PYGM: variants seen among roughly 807,000 people sequenced by gnomAD.
The protein encoded by PYGM is glycogen phosphorylase, muscle associated.
Under a neutral mutation model 99.3 loss-of-function variants are expected in PYGM, and 81 were observed. The ratio of observed to expected loss-of-function variants is 0.82; its 90% CI spans 0.68 to 0.98. The LOEUF (loss-of-function observed/expected upper bound fraction) is 0.98, where lower values mean the gene tolerates loss of function less well. Among genes scored for constraint, PYGM ranks in the 50% least tolerant of loss-of-function variants. PYGM has a pLI of 0.00. For synonymous variants in PYGM, 436 were observed against 451.5 expected (o/e 0.97, Z 0.44); for missense variants, 1,030 against 1,158.1 (o/e 0.89, Z 1.61).
chr11:64,750,036 C>T (rs965600746), intron 17 of PYGM, among the ~76,000 whole-genome samples: 2 of 152,156 alleles, frequency 1.3e-5, no homozygotes, highest in African/African-American at 2.4e-5. Context: ...TTGTGATCCG[C>T]CCGCCTTGGC....
At chr11:64,753,221 AC>A (rs767444089) in intron 11 of PYGM, 34 bp from the exon 12 acceptor site, 2 of 1,552,002 alleles carry the variant, frequency 1.3e-6, no homozygotes, top group East Asian at 2.2e-5. Context: ...GTCACCACTC[AC>A]CCCTGTACAA....
At chr11:64,756,945 A>G (rs1288806661) in intron 5 of PYGM, among the ~76,000 whole-genome samples, 1 of 152,008 alleles carries the variant, frequency 6.6e-6, no homozygotes, top group African/African-American at 2.4e-5. Flanking sequence ...GACTACAGGC[A>G]TGCACCAGCA....
intron 1 of PYGM, among the ~76,000 whole-genome samples, chr11:64,759,235 G>A (rs187731605): frequency 7.7e-5 from 11 of 142,266 alleles, no homozygotes; most frequent in African/African-American, 2.8e-4. Flanking sequence ...ACTCCCCACC[G>A]AGGCGTGTCA....
At chr11:64,757,747 T>C (rs1170384691) in intron 5 of PYGM, 32 bp downstream of exon 5, 1 of 1,613,836 alleles carries the variant, frequency 6.2e-7, no homozygotes, top group African/African-American at 1.3e-5. Context: ...TCCCCTTCTC[T>C]GGGCTCCCCT....
chr11:64,751,558 C>G, intron 15 of PYGM, 39 bp downstream of exon 15: 1 of 1,614,068 alleles, frequency 6.2e-7, no homozygotes, highest in Non-Finnish European at 8.5e-7. Context: ...CTGGATATAT[C>G]AAAGGACGGG....
At position 64,755,295 on chromosome 11, in the gene PYGM, CGAGA is replaced by C; in HGVS notation, c.829_832del (p.Ser277ValfsTer17). 6.2e-7 allele frequency: 1 copy of C among 1,614,070 alleles called. No individual in the cohort carries two copies. ...CACATTATCATTGGGGTACAGGACA[CGAGA>C]GATGTTCTCCGCCAGGTTTCGGTCC... is the stretch of plus-strand genomic sequence containing the variant. On this transcript the variant is annotated frameshift_variant, in exon 7 of 20. Transcript: ENST00000164139. LOFTEE classifies it high-confidence loss of function. This position sits in a 1 kb window ranked among gnomAD's most constrained non-coding sequence, Gnocchi z 4.1.
chr11:64,759,929 A>G lies in PYGM; in HGVS notation c.-31T>C. ...CAGGAGGGCGGGCCGGACTGGACTGATGGTAGAGGGGACGGCGGCCTCAGC... is the reference window on the plus strand; with the variant it reads ...CAGGAGGGCGGGCCGGACTGGACTGGTGGTAGAGGGGACGGCGGCCTCAGC... On this transcript the variant is annotated 5_prime_UTR_variant, in exon 1 of 20. Coordinates refer to ENST00000164139, the MANE Select transcript of PYGM (RefSeq NM_005609.4). The G allele has an allele frequency of 6.2e-7, 1 of 1,611,634 alleles. No individual in the cohort carries two copies. The highest frequency in any genetic ancestry group is 1.3e-5 in the African/African-American group (1 of 75,000).
chr11:64,746,726 T>C lies in PYGM; in HGVS notation c.2462A>G (p.Tyr821Cys), dbSNP rs757950557. The C allele has an allele frequency of 6.2e-6, 10 of 1,614,154 alleles. No homozygotes were observed. Among genetic ancestry groups the C allele is most frequent in the Non-Finnish European group, 8.5e-6 (10 of 1,180,034 alleles). ...CTCCACACCCCAGATCTCCCGGGCA[T>C]ACTGGGCAATGGTGCGGTCACTGGA... Reference protein sequence around the residue: ...KFSSDRTIAQYAREIWGVEPS... With the variant: ...KFSSDRTIAQCAREIWGVEPS... The change falls in exon 20 of 20, where the codon TAT becomes TGT. Residue 821 changes from tyrosine (Y) to cysteine (C), a missense_variant. Tyr to Cys is a radical substitution (Grantham distance 194). Coordinates refer to ENST00000164139, the MANE Select transcript of PYGM (RefSeq NM_005609.4).
intron 17 of PYGM, chr11:64,747,934 G>C (rs1194261040): frequency 5.9e-6 from 1 of 169,418 alleles, no homozygotes; most frequent in South Asian, 1.4e-4. Flanking sequence ...CCAGCTCCTC[G>C]GGAGGCTGAG....
At chr11:64,753,836 TC>T (rs778181227) in intron 10 of PYGM, 42 bp downstream of exon 10, 15 of 1,545,234 alleles carry the variant, frequency 9.7e-6, no homozygotes, top group African/African-American at 4.2e-5. Context: ...AGACTGGGTG[TC>T]CCCCCTCACC....
chr11:64,751,308 C>G lies in PYGM; in HGVS notation c.1969+17G>C. ...ACTAGTCAGAGCCTCCCTAGGGTCCCTGTTGGCAGCACCCACCTTTCTCGG... is the reference window on the plus strand; with the variant it reads ...ACTAGTCAGAGCCTCCCTAGGGTCCGTGTTGGCAGCACCCACCTTTCTCGG... On this transcript the variant is annotated intron_variant, in intron 16 of 19. Transcript: ENST00000164139. 1 of 1,614,140 alleles carries G rather than the reference C, an allele frequency of 6.2e-7. No homozygotes were observed. The highest frequency in any genetic ancestry group is 1.7e-5 in the Admixed American group (1 of 60,034).
rs554017973 is a variant in PYGM, at chr11:64,759,224, C to A, written c.243+432G>T. On this transcript the variant is annotated intron_variant, in intron 1 of 19. Transcript: ENST00000164139. ...CTGGGCCGTCTGCCCGCCCCTCCCCCACTCCCCACCGAGGCGTGTCAGGTT... is the reference window on the plus strand; with the variant it reads ...CTGGGCCGTCTGCCCGCCCCTCCCCAACTCCCCACCGAGGCGTGTCAGGTT... Among the ~76,000 whole-genome samples the A allele has an allele frequency of 2.6e-5, 4 of 152,300 alleles. No individual in the cohort carries two copies. The South Asian group carries it at 6.2e-4, about 24-fold the overall frequency.
In PYGM at chr11:64,754,325, G is replaced by A. The variant is rs1376160425; in HGVS notation, c.1020C>T (p.Asp340=). 1 of 1,613,446 alleles carries A rather than the reference G, an allele frequency of 6.2e-7. No individual in the cohort carries two copies. The highest frequency in any genetic ancestry group is 1.7e-5 in the Admixed American group (1 of 60,018). The change falls in exon 9 of 20, where the codon GAC becomes GAT. Residue 340 remains aspartate (D), a synonymous_variant. Transcript: ENST00000164139. The surrounding 1 kb of genome is among the most constrained non-coding windows in gnomAD (Gnocchi z 5.5). ...FPDKVAIQLN[D]THPSLAIPEL... is the part of the protein sequence containing the mutation. ...CGGGGATGGCCAGGGAGGGGTGGGT[G>A]TCATTGAGCTGGATGGCCACCTGGG...
intron 18 of PYGM, 70 bp downstream of exon 18, chr11:64,747,154 C>G: frequency 6.3e-7 from 1 of 1,597,926 alleles, no homozygotes; most frequent in South Asian, 1.1e-5. Flanking sequence ...GTCCGGCTTC[C>G]CCACCACACA....
Position 64,751,311 on chromosome 11 carries a change from T to A in PYGM, c.1969+14A>T. ...AGTCAGAGCCTCCCTAGGGTCCCTG[T>A]TGGCAGCACCCACCTTTCTCGGCCA... On this transcript the variant is annotated intron_variant, in intron 16 of 19. Transcript: ENST00000164139. 6.2e-7 allele frequency: 1 copy of A among 1,614,142 alleles called. No individual in the cohort carries two copies. The highest frequency in any genetic ancestry group is 8.5e-7 in the Non-Finnish European group (1 of 1,180,016).
chr11:64,748,457 G>A (rs2058330193), intron 17 of PYGM: 1 of 152,156 alleles, frequency 6.6e-6, no homozygotes, highest in South Asian at 2.1e-4. Context: ...TGTAAACTGG[G>A]AGAAACTTTC....
upstream of PYGM, chr11:64,760,138 A>ACTGGCCTG (rs2058425368): frequency 3.3e-6 from 2 of 597,378 alleles, no homozygotes; most frequent in Non-Finnish European, 5.7e-6. Context: ...GGCCGCCAAG[A>ACTGGCCTG]CTGGCCTGGC....
rs1250987209 is a variant in PYGM at position 64,750,398 on chromosome 11, C to T, written c.2155G>A (p.Val719Met). The T allele has an allele frequency of 6.2e-7, 1 of 1,614,146 alleles. No individual in the cohort carries two copies. The highest frequency in any genetic ancestry group is 2.2e-5 in the East Asian group (1 of 44,882). The change falls in exon 17 of 20, where the codon GTG becomes ATG. Residue 719 changes from valine to methionine, a missense_variant. Physicochemically the swap from Val to Met is conservative, Grantham distance 21 (BLOSUM62 1). Coordinates refer to ENST00000164139, the MANE Select transcript of PYGM (RefSeq NM_005609.4). ...FFIFGMRVED[V>M]DKLDQRGYNA... ...TACCCTCTTTGGTCAAGCTTATCCA[C>T]ATCCTCCACCCGCATGCCAAAGATG...
In PYGM at chr11:64,754,036, G is replaced by A; in HGVS notation, c.1093-11C>T. 2 of 1,597,656 alleles carry A rather than the reference G, an allele frequency of 1.3e-6. No individual in the cohort carries two copies. Among genetic ancestry groups the A allele is most frequent in the Non-Finnish European group, 1.7e-6 (2 of 1,172,152 alleles). ...TGTCACATCCCACGCCTGGCACACGGGGTGGGCAGTCAGGATGCTGACCTC... is the reference window on the plus strand; with the variant it reads ...TGTCACATCCCACGCCTGGCACACGAGGTGGGCAGTCAGGATGCTGACCTC... On this transcript the variant is annotated splice_polypyrimidine_tract_variant and intron_variant, in intron 9 of 19. Transcript: ENST00000164139. The surrounding 1 kb of genome is among the most constrained non-coding windows in gnomAD (Gnocchi z 5.5).
Sources: gnomAD v4.1 joint callset for allele counts (sites outside exome capture counted in the v4.1 genomes callset) on GRCh38, gnomAD v4.1.1 for gene constraint, Gnocchi (gnomAD v3.1) non-coding constraint, MANE v1.5 for transcripts, NCBI Gene and HGNC (gene_info 2026-07-23, HGNC 2026-07-21) for gene names.